The following GPC5 variants were observed in gnomAD, a reference collection of about 807,000 sequenced individuals.
GPC5 encodes the protein glypican-5.
In GPC5, 47 loss-of-function variants were observed where a neutral mutation model predicts 53.9. The observed-to-expected ratio is 0.87, with a 90% CI of 0.69 to 1.11. The LOEUF (loss-of-function observed/expected upper bound fraction) is 1.11. Ranked by LOEUF, GPC5 falls within the 50% of genes most tolerant of loss-of-function variation. The pLI, the probability that GPC5 is intolerant of heterozygous loss-of-function variation, is 0.00. For missense variants in GPC5, 748 were observed against 713.1 expected (o/e 1.05, Z -0.56); for synonymous variants, 286 against 263.3 (o/e 1.09, Z -0.84).
intron 5 of GPC5, among the ~76,000 whole-genome samples, chr13:91,774,327 C>A (rs1415297778): frequency 6.6e-6 from 1 of 152,182 alleles, no homozygotes; most frequent in Non-Finnish European, 1.5e-5. Flanking sequence ...AAGAAATTCC[C>A]TACTGAAGAA....
intron 2 of GPC5, among the ~76,000 whole-genome samples, chr13:91,563,455 G>A (rs1005520679): frequency 6.6e-6 from 1 of 152,118 alleles, no homozygotes; most frequent in African/African-American, 2.4e-5. Context: ...TTTTGATGCT[G>A]ACATACATTT....
intron 2 of GPC5, among the ~76,000 whole-genome samples, chr13:91,648,982 G>A (rs918590091): frequency 2.6e-5 from 4 of 152,150 alleles, no homozygotes; most frequent in African/African-American, 9.7e-5. Context: ...GGGACCCAGT[G>A]GGAGGTAATC....
intron 7 of GPC5, among the ~76,000 whole-genome samples, chr13:92,472,502 T>C (rs1332023187): frequency 6.6e-5 from 10 of 152,148 alleles, no homozygotes; most frequent in Non-Finnish European, 2.9e-5. Context: ...GGCATTCTAT[T>C]CAGAAGATGC....
chr13:92,089,754 G>T (rs2041364588), intron 6 of GPC5, among the ~76,000 whole-genome samples: 1 of 152,070 alleles, frequency 6.6e-6, no homozygotes, highest in Non-Finnish European at 1.5e-5. Context: ...ACAATGAAAA[G>T]AATATTGCCT....
chr13:91,505,369 T>G (rs493369), intron 2 of GPC5, among the ~76,000 whole-genome samples: 1 of 151,996 alleles, frequency 6.6e-6, no homozygotes, highest in Non-Finnish European at 1.5e-5. Context: ...ACTTGTTCAA[T>G]TGAGATATTT....
intron 7 of GPC5, among the ~76,000 whole-genome samples, chr13:92,567,285 C>A (rs150348051): frequency 1.3e-5 from 2 of 152,114 alleles, no homozygotes; most frequent in Non-Finnish European, 2.9e-5. Flanking sequence ...TGTTCTTCAG[C>A]ATTTGTAGGC....
rs567250859 is a variant in GPC5 at position 91,638,557 on chromosome 13, G to T, written c.326-54630G>T. Among the ~76,000 whole-genome samples the T allele has an allele frequency of 3.9e-5, 6 of 151,940 alleles. No individual in the cohort carries two copies. In the South Asian group the frequency reaches 1.2e-3, roughly 32 times the overall value. Reference sequence around the variant, plus strand: ...ATTTTCATATTTTTAATAGAGAAGGGGTTTTACCATATTGGCCAGGCTGGT... The same window carrying T: ...ATTTTCATATTTTTAATAGAGAAGGTGTTTTACCATATTGGCCAGGCTGGT... On this transcript the variant is annotated intron_variant, in intron 2 of 7. Transcript: ENST00000377067.
intron 7 of GPC5, among the ~76,000 whole-genome samples, chr13:92,382,147 A>G (rs1214186781): frequency 6.6e-6 from 1 of 151,764 alleles, no homozygotes; most frequent in Non-Finnish European, 1.5e-5. Flanking sequence ...GTTCTCACTG[A>G]TACGTGGAAG....
chr13:91,826,252 C>G (rs1248832778), intron 5 of GPC5, among the ~76,000 whole-genome samples: 6 of 152,026 alleles, frequency 3.9e-5, no homozygotes, highest in Non-Finnish European at 8.8e-5. Context: ...TAAATACGTT[C>G]AAGCACTTAA....
chr13:92,321,602 A>AACAT (rs34397471), intron 7 of GPC5, among the ~76,000 whole-genome samples: 7,798 of 150,568 alleles, frequency 0.052, 219 homozygotes, highest in Admixed American at 0.097. Flanking sequence ...CTCCATCTCA[A>AACAT]ACATACATAC....
At chr13:92,479,322 C>T (rs1177036168) in intron 7 of GPC5, among the ~76,000 whole-genome samples, 3 of 152,106 alleles carry the variant, frequency 2.0e-5, no homozygotes, top group Non-Finnish European at 2.9e-5. Context: ...TTTCTGAAAC[C>T]AGGAGAAGAA....
chr13:92,586,667 C>A (rs1186252156), intron 7 of GPC5, among the ~76,000 whole-genome samples: 1 of 152,130 alleles, frequency 6.6e-6, no homozygotes, highest in East Asian at 1.9e-4. Context: ...TGTACTGATG[C>A]CAGGGTAGGT....
At chr13:92,131,096 A>T (rs1347417130) in intron 6 of GPC5, among the ~76,000 whole-genome samples, 1 of 151,994 alleles carries the variant, frequency 6.6e-6, no homozygotes, top group Non-Finnish European at 1.5e-5. Context: ...TAAGAAAATC[A>T]TTAATTGCTC....
intron 5 of GPC5, among the ~76,000 whole-genome samples, chr13:91,838,878 T>C (rs1366520157): frequency 6.6e-6 from 1 of 152,184 alleles, no homozygotes; most frequent in Non-Finnish European, 1.5e-5. Flanking sequence ...TTCATTTTCC[T>C]AGTTTTTAAA....
chr13:91,480,914 A>G (rs1246515139), intron 2 of GPC5, among the ~76,000 whole-genome samples: 1 of 151,680 alleles, frequency 6.6e-6, no homozygotes, highest in Admixed American at 6.6e-5. Flanking sequence ...GTCAGGTGGC[A>G]GTCCCCATTG....
At chr13:92,021,950 A>G (rs996457943) in intron 6 of GPC5, among the ~76,000 whole-genome samples, 1 of 152,108 alleles carries the variant, frequency 6.6e-6, no homozygotes, top group Non-Finnish European at 1.5e-5. Context: ...AGTGAGGAAC[A>G]TTGATTTATT....
chr13:92,600,885 A>G (rs935826991), intron 7 of GPC5, among the ~76,000 whole-genome samples: 2 of 152,090 alleles, frequency 1.3e-5, no homozygotes, highest in Non-Finnish European at 2.9e-5. Flanking sequence ...CCCAAATATG[A>G]AAATAGCCTC....
intron 5 of GPC5, among the ~76,000 whole-genome samples, chr13:91,862,613 T>C (rs1329829973): frequency 6.6e-6 from 1 of 152,172 alleles, no homozygotes; most frequent in African/African-American, 2.4e-5. Flanking sequence ...TCTGTATATG[T>C]ATATACACAC....
intron 7 of GPC5, among the ~76,000 whole-genome samples, chr13:92,197,313 A>G (rs2042263726): frequency 6.6e-6 from 1 of 152,222 alleles, no homozygotes; most frequent in African/African-American, 2.4e-5. Context: ...ATTGACATAA[A>G]TAAGTGTATC....
Sources: allele counts gnomAD v4.1 joint callset (sites outside exome capture counted in the v4.1 genomes callset), GRCh38; gene constraint gnomAD v4.1.1; transcripts MANE v1.5; gene names NCBI Gene and HGNC (gene_info 2026-07-23, HGNC 2026-07-21).